The following AHCYL2 variants were observed in gnomAD, a reference collection of about 807,000 sequenced individuals.
AHCYL2 encodes the protein S-adenosylhomocysteine hydrolase-like protein 2.
A neutral mutation model predicts 81.4 loss-of-function variants in AHCYL2; 28 were observed. That is an observed-to-expected ratio of 0.34 (90% confidence interval 0.25 to 0.47). The LOEUF (loss-of-function observed/expected upper bound fraction) is 0.47, where lower values mean the gene tolerates loss of function less well. AHCYL2 is among the 20% of genes least tolerant of loss of function. AHCYL2 has a pLI of 1.00. For missense variants in AHCYL2, 551 were observed against 785.1 expected, an observed-to-expected ratio of 0.70 and a Z score of 3.56; for synonymous variants, 272 against 290.2, an observed-to-expected ratio of 0.94 and a Z score of 0.64.
chr7:129,418,911 A>G (rs1213568868), intron 12 of AHCYL2, among the ~76,000 whole-genome samples: 1 of 152,220 alleles, frequency 6.6e-6, no homozygotes, highest in African/African-American at 2.4e-5. Flanking sequence ...TGACCAATGG[A>G]ATTTGCTAAA....
chr7:129,398,301 A>G (rs1584880308), intron 5 of AHCYL2, among the ~76,000 whole-genome samples: 1 of 147,742 alleles, frequency 6.8e-6, no homozygotes, highest in African/African-American at 2.5e-5. Context: ...GTGAGCCACC[A>G]TGCCCAGCCC....
At chr7:129,325,830 C>T (rs1408593596) in intron 1 of AHCYL2, among the ~76,000 whole-genome samples, 2 of 151,880 alleles carry the variant, frequency 1.3e-5, no homozygotes, top group Non-Finnish European at 2.9e-5. Context: ...CTCAGCCTCC[C>T]GAATAGCTGG....
At chr7:129,388,320 C>T (rs1209310952) in intron 2 of AHCYL2, 1 of 152,144 alleles carries the variant, frequency 6.6e-6, no homozygotes, top group African/African-American at 2.4e-5. Context: ...CAGCAGCTGC[C>T]TGTTAACCAC....
intron 1 of AHCYL2, among the ~76,000 whole-genome samples, chr7:129,306,657 G>T (rs1222070576): frequency 6.6e-6 from 1 of 152,106 alleles, no homozygotes; most frequent in East Asian, 1.9e-4. Flanking sequence ...GTGGATGTTT[G>T]TCAGTGTCTG....
At chr7:129,345,406 G>A (rs556253382) in intron 1 of AHCYL2, among the ~76,000 whole-genome samples, 5 of 152,298 alleles carry the variant, frequency 3.3e-5, no homozygotes, top group East Asian at 1.9e-4. Flanking sequence ...AAGAACTATC[G>A]ATGCTCATTA....
rs370421807 is a variant in AHCYL2 at position 129,400,393 on chromosome 7, G to C, written c.918+9G>C. ...GCTGGCAGCCAAACATGGTGGGTCA[G>C]ATTTCTGCTAACACAATTCTGTAGG... On this transcript the variant is annotated intron_variant, in intron 6 of 16. Transcript: ENST00000325006. 3.4e-5 allele frequency: 55 copies of C among 1,612,330 alleles called. No individual in the cohort carries two copies. The highest frequency in any genetic ancestry group is 4.6e-5 in the Non-Finnish European group (54 of 1,178,860).
intron 12 of AHCYL2, among the ~76,000 whole-genome samples, chr7:129,417,216 A>C (rs1317353755): frequency 6.6e-6 from 1 of 152,228 alleles, no homozygotes; most frequent in East Asian, 1.9e-4. Flanking sequence ...CATTTCAAGA[A>C]GAGAGAAAGG....
chr7:129,293,449 G>A (rs1468009998), intron 1 of AHCYL2, among the ~76,000 whole-genome samples: 1 of 152,120 alleles, frequency 6.6e-6, no homozygotes, highest in African/African-American at 2.4e-5. Context: ...GCCAAGACCA[G>A]CGGATCACTT....
At chr7:129,348,024 G>A (rs1377162044) in intron 1 of AHCYL2, among the ~76,000 whole-genome samples, 3 of 152,162 alleles carry the variant, frequency 2.0e-5, no homozygotes, top group Non-Finnish European at 4.4e-5. Flanking sequence ...AATAGCATAT[G>A]TCTGGATTAA....
intron 12 of AHCYL2, among the ~76,000 whole-genome samples, chr7:129,417,545 C>G (rs1412394534): frequency 2.6e-5 from 4 of 152,236 alleles, no homozygotes; most frequent in Non-Finnish European, 4.4e-5. Context: ...GCCCCCATAT[C>G]TACCAGTCAC....
At chr7:129,409,930 C>G (rs1796487225) in intron 11 of AHCYL2, among the ~76,000 whole-genome samples, 1 of 150,318 alleles carries the variant, frequency 6.7e-6, no homozygotes, top group Non-Finnish European at 1.5e-5. Flanking sequence ...TTTCAAGAGA[C>G]AAACCAGAGT....
intron 1 of AHCYL2, among the ~76,000 whole-genome samples, chr7:129,336,070 C>CTTTT (rs1268795339): frequency 1.6e-5 from 1 of 60,688 alleles, no homozygotes; most frequent in Non-Finnish European, 3.1e-5. Flanking sequence ...TCTTTTCTTT[C>CTTTT]CTTTTTTTTT....
At chr7:129,271,945 G>A (rs904179453) in intron 1 of AHCYL2, among the ~76,000 whole-genome samples, 8 of 152,188 alleles carry the variant, frequency 5.3e-5, no homozygotes, top group African/African-American at 1.9e-4. Flanking sequence ...TCTAGTGGTG[G>A]AGTTTATTCC....
chr7:129,390,576 T>C (rs1250960118), intron 4 of AHCYL2, among the ~76,000 whole-genome samples: 1 of 152,248 alleles, frequency 6.6e-6, no homozygotes, highest in African/African-American at 2.4e-5. Flanking sequence ...AGACTTCAGA[T>C]GCAGGATCTC....
At chr7:129,374,826 T>A (rs1794596914) in intron 1 of AHCYL2, among the ~76,000 whole-genome samples, 1 of 142,186 alleles carries the variant, frequency 7.0e-6, no homozygotes, top group Non-Finnish European at 1.5e-5. Flanking sequence ...AAAAAAAAAA[T>A]CTGCCATTTT....
chr7:129,324,676 C>T (rs1050140310), intron 1 of AHCYL2, among the ~76,000 whole-genome samples: 14 of 152,166 alleles, frequency 9.2e-5, no homozygotes, highest in South Asian at 2.1e-4. Context: ...CCACCACGCC[C>T]GGCTAATTTT....
intron 1 of AHCYL2, among the ~76,000 whole-genome samples, chr7:129,295,864 G>C (rs1181108548): frequency 6.6e-6 from 1 of 152,180 alleles, no homozygotes; most frequent in Admixed American, 6.5e-5. Context: ...TTGCTGGGGA[G>C]TTGTTCGTAT....
At chr7:129,304,126 C>A (rs529841420) in intron 1 of AHCYL2, among the ~76,000 whole-genome samples, 1 of 152,182 alleles carries the variant, frequency 6.6e-6, no homozygotes, top group African/African-American at 2.4e-5. Flanking sequence ...TAGCTGTATC[C>A]CATAGGTTTG....
chr7:129,253,851 T>C (rs1432224708), intron 1 of AHCYL2, among the ~76,000 whole-genome samples: 1 of 152,192 alleles, frequency 6.6e-6, no homozygotes, highest in African/African-American at 2.4e-5. Context: ...GTTTTCATGT[T>C]TCATGCATTT....
Sources: allele counts gnomAD v4.1 joint callset (sites outside exome capture counted in the v4.1 genomes callset), GRCh38; gene constraint gnomAD v4.1.1; transcripts MANE v1.5; gene names NCBI Gene and HGNC (gene_info 2026-07-23, HGNC 2026-07-21).